The following GUF1 variants were observed in gnomAD, a reference collection of about 807,000 sequenced individuals.
The protein encoded by GUF1 is translation factor GUF1, mitochondrial.
In GUF1, 78 loss-of-function variants were observed where a neutral mutation model predicts 82.4. That is an observed-to-expected ratio of 0.95 (90% confidence interval 0.79 to 1.14). The LOEUF (loss-of-function observed/expected upper bound fraction) is 1.14. Ranked by LOEUF, GUF1 falls within the 50% of genes most tolerant of loss-of-function variation. The pLI is 0.00. For synonymous variants in GUF1, 279 were observed against 282.3 expected (o/e 0.99, Z 0.12); for missense variants, 814 against 798.2 (o/e 1.02, Z -0.24).
intron 8 of GUF1, 125 bp downstream of exon 8, chr4:44,686,838 C>G: frequency 1.5e-6 from 1 of 659,580 alleles, no homozygotes; most frequent in Non-Finnish European, 2.7e-6. Context: ...TTTAATGCAA[C>G]TATACAGTAA....
chr4:44,683,213 T>A, intron 5 of GUF1, 22 bp from the exon 6 acceptor site: 1 of 1,322,970 alleles, frequency 7.6e-7, no homozygotes, highest in Non-Finnish European at 1.1e-6. Flanking sequence ...ATACTTCACA[T>A]AATGGATTTT....
intron 16 of GUF1, among the ~76,000 whole-genome samples, chr4:44,697,816 A>T (rs375642671): frequency 6.6e-6 from 1 of 152,130 alleles, no homozygotes; most frequent in South Asian, 2.1e-4. Flanking sequence ...CTCTCCTGAC[A>T]TTGTTTTGCC....
At chr4:44,697,281 C>A in intron 15 of GUF1, 127 bp from the exon 16 acceptor site, 3 of 464,728 alleles carry the variant, frequency 6.5e-6, no homozygotes, top group Non-Finnish European at 1.2e-5. Context: ...ATGCTTATGG[C>A]AATTTTACAT....
At chr4:44,695,842 T>G (rs1715777065) in intron 15 of GUF1, 108 bp downstream of exon 15, 5 of 1,107,986 alleles carry the variant, frequency 4.5e-6, no homozygotes, top group Non-Finnish European at 6.5e-6. Flanking sequence ...GCTTTCTTAC[T>G]TGTAGAAACA....
intron 10 of GUF1, 42 bp from the exon 11 acceptor site, chr4:44,689,801 A>T: frequency 6.6e-7 from 1 of 1,519,436 alleles, no homozygotes. Context: ...AATGAAGCCC[A>T]TGGGACATAA....
intron 15 of GUF1, 116 bp downstream of exon 15, chr4:44,695,850 A>G: frequency 9.8e-7 from 1 of 1,017,846 alleles, no homozygotes; most frequent in South Asian, 1.6e-5. Flanking sequence ...ACTTGTAGAA[A>G]CAGTATGATG....
chr4:44,691,725 A>C lies in GUF1; in HGVS notation c.1539A>C (p.Lys513Asn), dbSNP rs377688166. The C allele has an allele frequency of 6.3e-7, 1 of 1,585,538 alleles. No individual in the cohort carries two copies. Among genetic ancestry groups the C allele is most frequent in the East Asian group, 2.3e-5 (1 of 44,264 alleles). The change falls in exon 13 of 17, where the codon AAA (lysine) becomes AAC (asparagine). Residue 513 changes from lysine to asparagine, a missense_variant. Lys to Asn is a moderately conservative substitution (Grantham distance 94). Coordinates refer to ENST00000281543, the MANE Select transcript of GUF1 (RefSeq NM_021927.3). The part of the protein sequence containing the change: ...IFIDQNRVML[K>N]YLFPLNEIVV... The stretch of plus-strand genomic sequence containing the variant: ...TTGATCAAAATAGAGTTATGCTTAA[A>C]TATCTCTTTCCTTTGAATGAAATTG...
intron 2 of GUF1, 49 bp from the exon 3 acceptor site, chr4:44,680,645 T>C (rs1233088386): frequency 2.0e-6 from 2 of 991,224 alleles, no homozygotes; most frequent in Admixed American, 3.4e-5. Flanking sequence ...TAATATTCTC[T>C]TTTTTTTTTA....
At chr4:44,681,460 T>C (rs1330112679) in intron 4 of GUF1, among the ~76,000 whole-genome samples, 1 of 152,084 alleles carries the variant, frequency 6.6e-6, no homozygotes, top group Non-Finnish European at 1.5e-5. Flanking sequence ...TGACATCATA[T>C]TGTCAATGCA....
intron 6 of GUF1, among the ~76,000 whole-genome samples, chr4:44,683,710 A>G (rs762271127): frequency 2.0e-5 from 3 of 152,116 alleles, no homozygotes; most frequent in Non-Finnish European, 4.4e-5. Context: ...TGTATGTATC[A>G]TTCTTGGAAC....
At chr4:44,695,853 G>A in intron 15 of GUF1, 119 bp downstream of exon 15, 1 of 953,028 alleles carries the variant, frequency 1.0e-6, no homozygotes, top group Non-Finnish European at 1.6e-6. Context: ...TGTAGAAACA[G>A]TATGATGGTG....
intron 15 of GUF1, 30 bp from the exon 16 acceptor site, chr4:44,697,378 T>A: frequency 2.0e-6 from 3 of 1,475,620 alleles, no homozygotes; most frequent in Non-Finnish European, 2.8e-6. Context: ...AATGGAATTA[T>A]GTACTTAAAC....
chr4:44,689,175 AG>A, intron 9 of GUF1, 110 bp from the exon 10 acceptor site: 2 of 950,680 alleles, frequency 2.1e-6, no homozygotes, highest in East Asian at 6.1e-5. Context: ...AATACAAGAA[AG>A]TAATTTAAAA....
chr4:44,678,671 C>T lies in GUF1; in HGVS notation c.49C>T (p.Pro17Ser). The stretch of plus-strand genomic sequence containing the variant: ...CTGGGGGTGCGCACGCGCTCTCGCG[C>T]CACGAGCCACTGGGGCCGCGCTTCT... The part of the protein sequence containing the change: ...RGWGCARALA[P>S]RATGAALLVA... Residue 17 changes from proline (P) to serine (S), a missense_variant, in exon 1 of 17, where the codon CCA (proline) becomes TCA (serine). Pro to Ser is a moderately conservative substitution (Grantham distance 74). Coordinates refer to ENST00000281543, the MANE Select transcript of GUF1 (RefSeq NM_021927.3). 2.0e-6 allele frequency: 3 copies of T among 1,493,020 alleles called. No homozygotes were observed. Among genetic ancestry groups the T allele is most frequent in the Non-Finnish European group, 2.6e-6 (3 of 1,135,508 alleles). The allele number at this position is 1,493,020 out of a possible 1,614,324, so 92.5% of individuals were successfully genotyped here.
rs779796085 is a variant in GUF1 at position 44,678,649 on chromosome 4, G to A, written c.27G>A (p.Trp9Ter). 3 of 1,485,084 alleles carry A rather than the reference G, an allele frequency of 2.0e-6. No individual in the cohort carries two copies. Among genetic ancestry groups the A allele is most frequent in the African/African-American group, 1.5e-5 (1 of 67,346 alleles). 92.0% of individuals were successfully genotyped at this position (1,485,084 alleles called of 1,614,324 possible). MWTLVGRG[W>*]GCARALAPRA... Reference sequence around the variant, plus strand: ...TGTGGACCCTCGTGGGTCGGGGCTGGGGGTGCGCACGCGCTCTCGCGCCAC... The same window carrying A: ...TGTGGACCCTCGTGGGTCGGGGCTGAGGGTGCGCACGCGCTCTCGCGCCAC... The change falls in exon 1 of 17, where the codon TGG becomes TGA. Residue 9 changes from tryptophan to a stop codon, truncating the protein, a stop_gained. Transcript: ENST00000281543. LOFTEE classifies it high-confidence loss of function.
At chr4:44,681,226 G>C (rs368194801) in intron 4 of GUF1, 23 bp downstream of exon 4, 5 of 1,496,154 alleles carry the variant, frequency 3.3e-6, no homozygotes, top group African/African-American at 2.8e-5. Context: ...CATTTTGTAT[G>C]ATGTGATATG....
rs75659143 is a variant in GUF1 at position 44,682,200 on chromosome 4, G to A, written c.508-134G>A. 7.5e-3 allele frequency: 3,405 copies of A among 451,420 alleles called. 86 individuals carry two copies. Among genetic ancestry groups the A allele is most frequent in the African/African-American group, 0.056 (2,788 of 49,580 alleles). The allele number at this position is 451,420 out of a possible 1,614,324, so 28.0% of individuals were successfully genotyped here. A position where few individuals can be genotyped will look rare whatever the true frequency, so the allele number is the denominator to read the frequency against. On this transcript the variant is annotated intron_variant, in intron 4 of 16. Coordinates refer to ENST00000281543, the MANE Select transcript of GUF1 (RefSeq NM_021927.3). The stretch of plus-strand genomic sequence containing the variant: ...AGAAAAGCATGAAGGGTAGCTACAT[G>A]GCATTTTGTTTAATTTTATTATTAG...
chr4:44,699,618 T>G lies in GUF1; in HGVS notation c.*937T>G, dbSNP rs1433691756. ...TCCATCTACTTTAAGTTTAAAGGAT[T>G]TTCAGAATCACCTTAAGTGTCAAAT... On this transcript the variant is annotated 3_prime_UTR_variant, in exon 17 of 17. Transcript: ENST00000281543. The G allele has an allele frequency of 6.6e-6, 1 of 152,234 alleles. No individual in the cohort carries two copies. Among genetic ancestry groups the G allele is most frequent in the Non-Finnish European group, 1.5e-5 (1 of 68,044 alleles). 9.4% of individuals were successfully genotyped at this position (152,234 alleles called of 1,614,324 possible).
intron 12 of GUF1, 114 bp downstream of exon 12, chr4:44,690,974 T>C (rs1305766618): frequency 2.7e-5 from 17 of 624,868 alleles, no homozygotes; most frequent in Non-Finnish European, 4.6e-5. Flanking sequence ...TTTAATGAGA[T>C]TTTCATATAT....
Sources: gnomAD v4.1 joint callset for allele counts (sites outside exome capture counted in the v4.1 genomes callset) on GRCh38, gnomAD v4.1.1 for gene constraint, MANE v1.5 for transcripts, NCBI Gene and HGNC (gene_info 2026-07-23, HGNC 2026-07-21) for gene names.